Variants in SLMAP observed in about 807,000 individuals in gnomAD.
The protein encoded by SLMAP is sarcolemma associated protein, also known as sarcolemmal membrane-associated protein.
A neutral mutation model predicts 128.8 loss-of-function variants in SLMAP; 44 were observed. The ratio of observed to expected loss-of-function variants is 0.34; its 90% CI spans 0.27 to 0.44. SLMAP has a LOEUF of 0.44. SLMAP is among the 20% of genes least tolerant of loss of function. The pLI, the probability that SLMAP is intolerant of heterozygous loss-of-function variation, is 1.00. For synonymous variants in SLMAP, 327 were observed against 348.8 expected (o/e 0.94, Z 0.70); for missense variants, 787 against 985.3 (o/e 0.80, Z 2.69).
At chr3:57,864,441 A>G in intron 10 of SLMAP, 107 bp from the exon 11 acceptor site, 1 of 679,570 alleles carries the variant, frequency 1.5e-6, no homozygotes, top group Non-Finnish European at 2.5e-6. Context: ...TTTCTTTTCT[A>G]CAGAACAAAC....
intron 2 of SLMAP, among the ~76,000 whole-genome samples, chr3:57,813,777 A>G (rs181010362): frequency 3.9e-5 from 6 of 152,302 alleles, no homozygotes; most frequent in Admixed American, 2.0e-4. Flanking sequence ...AGTCCTCTCC[A>G]TGGATACTGA....
chr3:57,843,775 C>CTTTTTTTTTTTTTTTTTT (rs775541858), intron 4 of SLMAP, among the ~76,000 whole-genome samples: 55 of 77,118 alleles, frequency 7.1e-4, no homozygotes, highest in East Asian at 9.1e-4. Flanking sequence ...TCTTTTCTTT[C>CTTTTTTTTTTTTTTTTTT]TTTTTTTTTT....
At chr3:57,757,897 C>T in intron 2 of SLMAP, 48 bp downstream of exon 2, 1 of 1,550,018 alleles carries the variant, frequency 6.5e-7, no homozygotes, top group Non-Finnish European at 8.9e-7. Context: ...AACTTTTTTT[C>T]CCCTTTTGCC....
chr3:57,877,735 G>C (rs1397340320), intron 14 of SLMAP, among the ~76,000 whole-genome samples: 2 of 150,472 alleles, frequency 1.3e-5, no homozygotes, highest in Non-Finnish European at 3.0e-5. Flanking sequence ...TATGTGTACT[G>C]TTGCTTTTTA....
intron 4 of SLMAP, among the ~76,000 whole-genome samples, chr3:57,844,414 AT>A (rs1261759750): frequency 6.6e-6 from 1 of 151,940 alleles, no homozygotes; most frequent in East Asian, 1.9e-4. Context: ...AATTTTAAAA[AT>A]TAAAAAAAAA....
intron 2 of SLMAP, among the ~76,000 whole-genome samples, chr3:57,798,647 T>A (rs2087385166): frequency 6.6e-6 from 1 of 152,196 alleles, no homozygotes; most frequent in South Asian, 2.1e-4. Context: ...TGACCTCTAG[T>A]TTAACTCAAT....
chr3:57,777,839 A>G lies in SLMAP; in HGVS notation c.198+19990A>G, dbSNP rs143504904. On this transcript the variant is annotated intron_variant, in intron 2 of 24. Coordinates refer to ENST00000671191, the MANE Select transcript of SLMAP (RefSeq NM_001377540.1). ...AACCATGAGATGCCGTTTCTACTCA[A>G]TTAAAAACTTGGATAATATCAAGTG... 8.5e-5 allele frequency among the ~76,000 whole-genome samples: 13 copies of G among 152,366 alleles called. No individual in the cohort carries two copies. The East Asian group carries it at 1.9e-3, about 23-fold the overall frequency.
chr3:57,792,084 C>G (rs2085595675), intron 2 of SLMAP, among the ~76,000 whole-genome samples: 1 of 152,056 alleles, frequency 6.6e-6, no homozygotes, highest in Non-Finnish European at 1.5e-5. Context: ...TGACATTTAT[C>G]TTTAACAACA....
Position 57,922,925 on chromosome 3 carries a change from T to C in SLMAP, c.2347T>C (p.Leu783=), listed in dbSNP as rs2096942767. ...KTQTVLSELK[L]KFEMTEQEKQ... Reference sequence around the variant, plus strand: ...ACAGACTGTACTCTCAGAACTGAAGTTGAAGTTTGAAATGACTGAGCAGGA... The same window carrying C: ...ACAGACTGTACTCTCAGAACTGAAGCTGAAGTTTGAAATGACTGAGCAGGA... Residue 783 remains leucine (L), a synonymous_variant, in exon 23 of 25, where the codon TTG becomes CTG. Transcript: ENST00000671191. 3.1e-6 allele frequency: 5 copies of C among 1,613,750 alleles called. No homozygotes were observed. The highest frequency in any genetic ancestry group is 1.3e-5 in the African/African-American group (1 of 75,040).
At position 57,916,523 on chromosome 3, in the gene SLMAP, C is replaced by T. The variant is rs1488736260; in HGVS notation, c.2139-383C>T. ...TCCTAAGCTTTAAGTTTCTGACCCCCATTCTATTTGTCAAGTATTTAAACT... is the reference window on the plus strand; with the variant it reads ...TCCTAAGCTTTAAGTTTCTGACCCCTATTCTATTTGTCAAGTATTTAAACT... On this transcript the variant is annotated intron_variant, in intron 21 of 24. Transcript: ENST00000671191. Among the ~76,000 whole-genome samples the T allele has an allele frequency of 1.3e-5, 2 of 152,140 alleles. 1 individual carries two copies.
chr3:57,772,285 G>A (rs920413204), intron 2 of SLMAP, among the ~76,000 whole-genome samples: 2 of 152,184 alleles, frequency 1.3e-5, no homozygotes, highest in Non-Finnish European at 2.9e-5. Context: ...GGAGGCAGTT[G>A]AGTCTGGAAG....
chr3:57,921,032 G>A (rs895828967), intron 22 of SLMAP, among the ~76,000 whole-genome samples: 1 of 151,362 alleles, frequency 6.6e-6, no homozygotes, highest in Non-Finnish European at 1.5e-5. Context: ...AAAAAAGAGG[G>A]ATGGCAGAGT....
chr3:57,885,771 C>CTTTTTTGTTT (rs2095866873), intron 14 of SLMAP, among the ~76,000 whole-genome samples: 1 of 53,574 alleles, frequency 1.9e-5, no homozygotes, highest in Non-Finnish European at 3.3e-5. Context: ...GTTTTTGGTT[C>CTTTTTTGTTT]TTTTTTTTTT....
At chr3:57,904,978 G>T (rs1024906893) in intron 17 of SLMAP, among the ~76,000 whole-genome samples, 3 of 151,990 alleles carry the variant, frequency 2.0e-5, no homozygotes, top group Non-Finnish European at 4.4e-5. Context: ...GAGGAAGGGG[G>T]ATAGCTTGAG....
chr3:57,855,040 C>T (rs1389924517), intron 6 of SLMAP, among the ~76,000 whole-genome samples: 4 of 152,118 alleles, frequency 2.6e-5, no homozygotes, highest in East Asian at 1.9e-4. Flanking sequence ...CAATAGTATT[C>T]GTGTTTAGAA....
chr3:57,880,611 C>T (rs541637479), intron 14 of SLMAP, among the ~76,000 whole-genome samples: 9 of 150,628 alleles, frequency 6.0e-5, no homozygotes, highest in Middle Eastern at 6.8e-3. Flanking sequence ...TGTACAGTGG[C>T]TTATGCCTGT....
chr3:57,905,109 C>T (rs1404688485), intron 17 of SLMAP, among the ~76,000 whole-genome samples: 1 of 152,074 alleles, frequency 6.6e-6, no homozygotes, highest in Non-Finnish European at 1.5e-5. Context: ...TTGGTGTCCT[C>T]ATGGCTACTG....
intron 2 of SLMAP, among the ~76,000 whole-genome samples, chr3:57,824,009 TA>T (rs965715961): frequency 3.9e-5 from 6 of 151,982 alleles, no homozygotes; most frequent in African/African-American, 4.8e-5. Context: ...TTGGCTGCAT[TA>T]AAAAAAACTT....
At chr3:57,921,679 A>C (rs980219066) in intron 22 of SLMAP, among the ~76,000 whole-genome samples, 3 of 152,220 alleles carry the variant, frequency 2.0e-5, no homozygotes, top group Admixed American at 2.0e-4. Flanking sequence ...CAGAATTTTT[A>C]AAATGACTTA....
Sources: gnomAD v4.1 joint callset for allele counts (sites outside exome capture counted in the v4.1 genomes callset) on GRCh38, gnomAD v4.1.1 for gene constraint, MANE v1.5 for transcripts, NCBI Gene and HGNC (gene_info 2026-07-23, HGNC 2026-07-21) for gene names.